Variants in JCAD observed in about 807,000 individuals in gnomAD.
JCAD encodes junctional cadherin 5-associated protein.
A neutral mutation model predicts 98.0 loss-of-function variants in JCAD; 40 were observed. The ratio of observed to expected loss-of-function variants is 0.41; its 90% CI spans 0.32 to 0.53. The LOEUF is 0.53. Among genes scored for constraint, JCAD ranks in the 20% least tolerant of loss-of-function variants. The probability of loss-of-function intolerance (pLI) is 0.31; values close to 1 mark genes in which losing one functional copy is unlikely to be tolerated. For synonymous variants in JCAD, 691 were observed against 682.3 expected, an observed-to-expected ratio of 1.01 and a Z score of -0.20; for missense variants, 1,705 against 1,738.1, an observed-to-expected ratio of 0.98 and a Z score of 0.34.
intron 1 of JCAD, among the ~76,000 whole-genome samples, chr10:30,074,195 T>C (rs945273493): frequency 1.3e-5 from 2 of 152,142 alleles, no homozygotes; most frequent in South Asian, 2.1e-4. Flanking sequence ...CTCCATTGGA[T>C]ATTGACACAC....
chr10:30,091,863 A>C (rs1435354227), intron 1 of JCAD, among the ~76,000 whole-genome samples: 1 of 146,804 alleles, frequency 6.8e-6, no homozygotes. Context: ...GTCTCTACTA[A>C]ATAAAAATAC....
At chr10:30,080,713 C>T (rs1838066296) in intron 1 of JCAD, among the ~76,000 whole-genome samples, 2 of 152,180 alleles carry the variant, frequency 1.3e-5, no homozygotes, top group Admixed American at 1.3e-4. Flanking sequence ...GTCAGGCCCC[C>T]TGGCCCATCA....
At chr10:30,033,689 G>A (rs1230804826) in intron 2 of JCAD, among the ~76,000 whole-genome samples, 1 of 152,120 alleles carries the variant, frequency 6.6e-6, no homozygotes, top group Non-Finnish European at 1.5e-5. Context: ...CTTTTCAGCT[G>A]GTGGCACAGC....
At chr10:30,065,033 C>T (rs866208996) in intron 2 of JCAD, among the ~76,000 whole-genome samples, 1 of 152,076 alleles carries the variant, frequency 6.6e-6, no homozygotes, top group African/African-American at 2.4e-5. Flanking sequence ...GAAAGTCAGG[C>T]AATAGTGGTT....
At chr10:30,030,785 T>C (rs1339936685) in intron 2 of JCAD, among the ~76,000 whole-genome samples, 1 of 151,952 alleles carries the variant, frequency 6.6e-6, no homozygotes, top group African/African-American at 2.4e-5. Context: ...AGAATCATCA[T>C]TGCTGGTGGT....
chr10:30,089,779 T>C (rs1452257253), intron 1 of JCAD, among the ~76,000 whole-genome samples: 4 of 152,164 alleles, frequency 2.6e-5, no homozygotes, highest in Non-Finnish European at 4.4e-5. Flanking sequence ...AGATGTCTAA[T>C]GAACAGCAAG....
intron 1 of JCAD, among the ~76,000 whole-genome samples, chr10:30,098,532 A>G (rs1020341902): frequency 6.6e-6 from 1 of 152,310 alleles, no homozygotes; most frequent in Non-Finnish European, 1.5e-5. Flanking sequence ...GTAAACTCCA[A>G]GAAAGCTGGG....
intron 1 of JCAD, among the ~76,000 whole-genome samples, chr10:30,051,284 G>GCGCACACACACA (rs1554798252): frequency 2.7e-5 from 4 of 146,764 alleles, no homozygotes; most frequent in African/African-American, 9.9e-5. Context: ...ACACACGCAC[G>GCGCACACACACA]CACACACACA....
At chr10:30,113,752 C>T (rs1048786997) in intron 1 of JCAD, among the ~76,000 whole-genome samples, 1 of 152,054 alleles carries the variant, frequency 6.6e-6, no homozygotes, top group Non-Finnish European at 1.5e-5. Flanking sequence ...TGCACTGTCT[C>T]CCAGACACCC....
At chr10:30,093,244 A>C (rs1838314905) in intron 1 of JCAD, among the ~76,000 whole-genome samples, 1 of 152,214 alleles carries the variant, frequency 6.6e-6, no homozygotes, top group South Asian at 2.1e-4. Flanking sequence ...AGCCATAAGC[A>C]AGGGAATTGA....
At chr10:30,070,803 T>A (rs1356597608) in intron 1 of JCAD, among the ~76,000 whole-genome samples, 2 of 152,252 alleles carry the variant, frequency 1.3e-5, no homozygotes, top group Non-Finnish European at 2.9e-5. Flanking sequence ...GCTACCTATT[T>A]ATTTTCCAGG....
chr10:30,063,463 C>T (rs1286397802), upstream of JCAD, among the ~76,000 whole-genome samples: 1 of 152,186 alleles, frequency 6.6e-6, no homozygotes, highest in East Asian at 1.9e-4. Flanking sequence ...GTTCAAGGAC[C>T]TAGAGCAACC....
At chr10:30,080,719 C>T (rs1396920013) in intron 1 of JCAD, among the ~76,000 whole-genome samples, 3 of 152,144 alleles carry the variant, frequency 2.0e-5, no homozygotes, top group Non-Finnish European at 4.4e-5. Flanking sequence ...CCCCCTGGCC[C>T]ATCAGCCTTT....
At chr10:30,064,760 C>T (rs757446634) in intron 2 of JCAD, among the ~76,000 whole-genome samples, 21 of 152,096 alleles carry the variant, frequency 1.4e-4, no homozygotes, top group Non-Finnish European at 2.9e-4. Flanking sequence ...CAACCTCCAC[C>T]TCCCAGGTTC....
chr10:30,022,615 A>G (rs1388468210), intron 3 of JCAD, among the ~76,000 whole-genome samples: 1 of 152,210 alleles, frequency 6.6e-6, no homozygotes, highest in East Asian at 1.9e-4. Context: ...CCTGGTGACC[A>G]TCACATGAAA....
intron 1 of JCAD, among the ~76,000 whole-genome samples, chr10:30,113,658 T>G (rs536731370): frequency 7.2e-6 from 1 of 138,552 alleles, no homozygotes; most frequent in South Asian, 2.5e-4. Flanking sequence ...TCCACCCTCC[T>G]CATAGGGCGA....
At chr10:30,082,396 A>G (rs1167201920) in intron 1 of JCAD, among the ~76,000 whole-genome samples, 1 of 152,186 alleles carries the variant, frequency 6.6e-6, no homozygotes, top group African/African-American at 2.4e-5. Flanking sequence ...TAAGCAAACA[A>G]CACAAAACCT....
At chr10:30,079,539 T>G (rs1333679590) in intron 1 of JCAD, among the ~76,000 whole-genome samples, 2 of 152,070 alleles carry the variant, frequency 1.3e-5, no homozygotes, top group African/African-American at 2.4e-5. Flanking sequence ...CCATTGCCCC[T>G]GTCTAGGCAG....
chr10:30,020,321 G>A (rs533353202), intron 3 of JCAD, among the ~76,000 whole-genome samples: 3 of 120,632 alleles, frequency 2.5e-5, no homozygotes, highest in Non-Finnish European at 3.4e-5. Context: ...AGTGAGACTC[G>A]GTCTCAAAAA....
Sources: allele counts gnomAD v4.1 joint callset (sites outside exome capture counted in the v4.1 genomes callset), GRCh38; gene constraint gnomAD v4.1.1; transcripts MANE v1.5; gene names NCBI Gene and HGNC (gene_info 2026-07-23, HGNC 2026-07-21).